INHBC: variants seen among roughly 807,000 people sequenced by gnomAD.
The protein encoded by INHBC is inhibin subunit beta C.
In INHBC, 10 loss-of-function variants were observed where a neutral mutation model predicts 12.4. The observed-to-expected ratio is 0.81, with a 90% CI of 0.50 to 1.37. The LOEUF is 1.37. Ranked by LOEUF, INHBC falls within the 40% of genes most tolerant of loss-of-function variation. The probability of loss-of-function intolerance (pLI) is 0.00; values close to 1 mark genes in which losing one functional copy is unlikely to be tolerated. For missense variants in INHBC, 382 were observed against 439.4 expected (o/e 0.87, Z 1.17); for synonymous variants, 147 against 171.6 (o/e 0.86, Z 1.12).
intron 1 of INHBC, among the ~76,000 whole-genome samples, chr12:57,446,780 G>A (rs956533034): frequency 8.5e-5 from 13 of 152,080 alleles, no homozygotes; most frequent in Non-Finnish European, 1.5e-4. Context: ...TGGGACAAGT[G>A]TGAGCCACCA....
chr12:57,435,079 C>T lies in INHBC; in HGVS notation c.193C>T (p.Arg65Cys), dbSNP rs186217945. 20 of 1,614,170 alleles carry T rather than the reference C, an allele frequency of 1.2e-5. No homozygotes were observed. The highest frequency in any genetic ancestry group is 1.6e-4 in the Middle Eastern group (1 of 6,062). ...LHLTQRPTLN[R>C]PVSRAALRTA... ...CCTCACCCAGCGCCCAACACTGAAC[C>T]GCCCTGTGTCCAGAGCTGCTTTGAG... The change falls in exon 1 of 2, where the codon CGC becomes TGC. Residue 65 changes from arginine to cysteine, a missense_variant. Transcript: ENST00000309668.
At chr12:57,448,970 A>G (rs1870646172) in intron 1 of INHBC, among the ~76,000 whole-genome samples, 1 of 152,180 alleles carries the variant, frequency 6.6e-6, no homozygotes, top group African/African-American at 2.4e-5. Flanking sequence ...TCCATGGCAG[A>G]AGGGCAAAGA....
chr12:57,434,916 C>T lies in INHBC; in HGVS notation c.30C>T (p.Leu10=), dbSNP rs998127007. ...CCTCCTCATTGCTTCTGGCCTTTCTCCTCCTGGCTCCAACCACAGTGGCCA... is the reference window on the plus strand; with the variant it reads ...CCTCCTCATTGCTTCTGGCCTTTCTTCTCCTGGCTCCAACCACAGTGGCCA... MTSSLLLAF[L]LLAPTTVATP... is the part of the protein sequence containing the mutation. Residue 10 remains leucine, a synonymous_variant, in exon 1 of 2, where the codon CTC becomes CTT. Transcript: ENST00000309668. The T allele has an allele frequency of 1.2e-6, 2 of 1,613,692 alleles. No homozygotes were observed. Among genetic ancestry groups the T allele is most frequent in the Non-Finnish European group, 1.7e-6 (2 of 1,179,652 alleles).
chr12:57,439,418 A>C (rs1419909684), intron 1 of INHBC, among the ~76,000 whole-genome samples: 1 of 152,114 alleles, frequency 6.6e-6, no homozygotes, highest in South Asian at 2.1e-4. Flanking sequence ...TGGACTTCCA[A>C]ATCCACCCTC....
rs368733304 is a variant in INHBC, at chr12:57,437,262, TAAAG to T, written c.313+2069_313+2072del. 2.4e-3 allele frequency among the ~76,000 whole-genome samples: 363 copies of T among 151,218 alleles called. No individual in the cohort carries two copies. In the East Asian group the frequency reaches 0.025, roughly 10 times the overall value. ...ACCCCCATCTCTAAAATTAATTAAT[TAAAG>T]AAAGATAGATAAAAGAGGACAAGGA... On this transcript the variant is annotated intron_variant, in intron 1 of 1. Coordinates refer to ENST00000309668, the MANE Select transcript of INHBC (RefSeq NM_005538.4).
chr12:57,442,688 G>A (rs1482505088), intron 1 of INHBC, among the ~76,000 whole-genome samples: 17 of 152,078 alleles, frequency 1.1e-4, no homozygotes. Context: ...TCTGAGAGCT[G>A]TCAAGAGCAG....
Position 57,450,932 on chromosome 12 carries a change from A to G in INHBC, c.*910A>G, listed in dbSNP as rs1308064994. 6.6e-6 allele frequency: 1 copy of G among 152,200 alleles called. No homozygotes were observed. Among genetic ancestry groups the G allele is most frequent in the Non-Finnish European group, 1.5e-5 (1 of 68,060 alleles). The allele number at this position is 152,200 out of a possible 1,614,324, so 9.4% of individuals were successfully genotyped here. ...CTTAACTCTGCCTATACCTCTGTAA[A>G]TAATTCCTTCACTAAGTTCTCTTGA... On this transcript the variant is annotated 3_prime_UTR_variant, in exon 2 of 2. Coordinates refer to ENST00000309668, the MANE Select transcript of INHBC (RefSeq NM_005538.4).
chr12:57,436,436 T>C (rs1390110477), intron 1 of INHBC, among the ~76,000 whole-genome samples: 1 of 151,078 alleles, frequency 6.6e-6, no homozygotes, highest in Admixed American at 6.6e-5. Context: ...GTGCTGGGAT[T>C]ACAAGTGTGA....
intron 1 of INHBC, among the ~76,000 whole-genome samples, chr12:57,436,131 C>T (rs1870331289): frequency 1.3e-5 from 2 of 151,078 alleles, no homozygotes; most frequent in Non-Finnish European, 2.9e-5. Context: ...AGGCGTGAGC[C>T]ACCGCGCCCG....
At chr12:57,439,253 T>G (rs1183684903) in intron 1 of INHBC, among the ~76,000 whole-genome samples, 1 of 152,192 alleles carries the variant, frequency 6.6e-6, no homozygotes, top group Non-Finnish European at 1.5e-5. Context: ...AAATGGGGTA[T>G]GGGAGAATAG....
chr12:57,449,975 A>G lies in INHBC; in HGVS notation c.1012A>G (p.Lys338Glu), dbSNP rs1438578041. Residue 338 changes from lysine (K) to glutamate (E), a missense_variant, in exon 2 of 2, where the codon AAG (lysine) becomes GAG (glutamate). By Grantham distance (56) the Lys-to-Glu change is moderately conservative. Transcript: ENST00000309668. ...TTATGACAGGGACAGCAACATTGTC[A>G]AGACTGACATACCTGACATGGTAGT... ...LYYDRDSNIV[K>E]TDIPDMVVEA... is the part of the protein sequence containing the mutation. 1.3e-6 allele frequency: 2 copies of G among 1,542,776 alleles called. No homozygotes were observed. The highest frequency in any genetic ancestry group is 2.7e-5 in the African/African-American group (2 of 73,106).
chr12:57,439,803 A>G (rs1044486353), intron 1 of INHBC, among the ~76,000 whole-genome samples: 1 of 152,064 alleles, frequency 6.6e-6, no homozygotes, highest in African/African-American at 2.4e-5. Flanking sequence ...TTAGATCTCA[A>G]AAAAAAATGT....
chr12:57,440,127 C>A (rs992526721), intron 1 of INHBC, among the ~76,000 whole-genome samples: 2 of 152,146 alleles, frequency 1.3e-5, no homozygotes, highest in Admixed American at 1.3e-4. Flanking sequence ...ACTTTAAGAA[C>A]CTTTTGTCAG....
chr12:57,450,181 A>C lies in INHBC; in HGVS notation c.*159A>C. 1 of 713,024 alleles carries C rather than the reference A, an allele frequency of 1.4e-6. No individual in the cohort carries two copies. Among genetic ancestry groups the C allele is most frequent in the Non-Finnish European group, 2.1e-6 (1 of 479,192 alleles). 44.2% of individuals were successfully genotyped at this position (713,024 alleles called of 1,614,324 possible). ...AATTACCCCACCTTTGACTTGAAGAAACCTTCATCTAAAGCAAGTCACTGT... is the reference window on the plus strand; with the variant it reads ...AATTACCCCACCTTTGACTTGAAGACACCTTCATCTAAAGCAAGTCACTGT... On this transcript the variant is annotated 3_prime_UTR_variant, in exon 2 of 2. Coordinates refer to ENST00000309668, the MANE Select transcript of INHBC (RefSeq NM_005538.4).
chr12:57,438,424 A>C (rs1017547641), intron 1 of INHBC, among the ~76,000 whole-genome samples: 1 of 152,162 alleles, frequency 6.6e-6, no homozygotes, highest in African/African-American at 2.4e-5. Context: ...CCACTTCCTA[A>C]TACCATCACA....
chr12:57,444,728 G>C (rs1250442903), intron 1 of INHBC, among the ~76,000 whole-genome samples: 2 of 152,076 alleles, frequency 1.3e-5, no homozygotes, highest in Non-Finnish European at 2.9e-5. Flanking sequence ...GCCCAGGCTA[G>C]AGTGCAGTGG....
At chr12:57,444,647 A>AT (rs1323212524) in intron 1 of INHBC, among the ~76,000 whole-genome samples, 4 of 151,594 alleles carry the variant, frequency 2.6e-5, no homozygotes, top group Non-Finnish European at 5.9e-5. Context: ...ATTGAAGGCT[A>AT]TTTTTATTTT....
intron 1 of INHBC, among the ~76,000 whole-genome samples, 169 bp downstream of exon 1, chr12:57,435,368 G>T (rs573166955): frequency 8.5e-5 from 13 of 152,282 alleles, no homozygotes; most frequent in Non-Finnish European, 1.9e-4. Context: ...CATCCCTCTG[G>T]GGTCACTCTG....
rs780494001 is a variant in INHBC at position 57,451,819 on chromosome 12, C to T, written c.*1797C>T. On this transcript the variant is annotated 3_prime_UTR_variant, in exon 2 of 2. Transcript: ENST00000309668. Reference sequence around the variant, plus strand: ...AATCTAAGGAGGCCTTCTGGTGTCTCCCCCACACATCCCCGACCCCCAGAT... The same window carrying T: ...AATCTAAGGAGGCCTTCTGGTGTCTTCCCCACACATCCCCGACCCCCAGAT... The T allele has an allele frequency of 1.5e-5, 7 of 455,350 alleles. No homozygotes were observed. Among genetic ancestry groups the T allele is most frequent in the Non-Finnish European group, 2.2e-5 (5 of 226,654 alleles). 28.2% of individuals were successfully genotyped at this position (455,350 alleles called of 1,614,324 possible). A position where few individuals can be genotyped will look rare whatever the true frequency, so the allele number is the denominator to read the frequency against.
Sources: allele counts gnomAD v4.1 joint callset (sites outside exome capture counted in the v4.1 genomes callset), GRCh38; gene constraint gnomAD v4.1.1; transcripts MANE v1.5; gene names NCBI Gene and HGNC (gene_info 2026-07-23, HGNC 2026-07-21).